Variants in TRPM1 observed in about 807,000 individuals in gnomAD.
TRPM1 encodes transient receptor potential cation channel subfamily M member 1, also known as TRPM1-203 APA Isoform, Intron 10.
TRPM1 carries 113 observed loss-of-function variants against 149.4 expected under a neutral mutation model. The observed-to-expected ratio is 0.76, with a 90% confidence interval of 0.65 to 0.88. The LOEUF is 0.88. Among genes scored for constraint, TRPM1 ranks in the 40% least tolerant of loss-of-function variants. TRPM1 has a pLI of 0.00. For synonymous variants in TRPM1, 741 were observed against 759.5 expected, an observed-to-expected ratio of 0.98 and a Z score of 0.40; for missense variants, 1,976 against 2,038.7, an observed-to-expected ratio of 0.97 and a Z score of 0.59.
chr15:31,111,328 C>T (rs959648250), intron 1 of TRPM1, among the ~76,000 whole-genome samples: 1 of 152,202 alleles, frequency 6.6e-6, no homozygotes, highest in Non-Finnish European at 1.5e-5. Flanking sequence ...CTGAGTGTAA[C>T]GTTCTGCCCT....
chr15:31,092,580 G>C (rs192374727), intron 1 of TRPM1, among the ~76,000 whole-genome samples: 15 of 152,320 alleles, frequency 9.8e-5, no homozygotes, highest in Admixed American at 4.6e-4. Flanking sequence ...CAGGAGGACA[G>C]AAAACGATTT....
intron 9 of TRPM1, among the ~76,000 whole-genome samples, chr15:31,061,775 C>G (rs1054952128): frequency 6.6e-6 from 1 of 151,668 alleles, no homozygotes; most frequent in African/African-American, 2.4e-5. Flanking sequence ...AACTCCACCT[C>G]CCAGGTTCAA....
At chr15:31,031,437 C>A in intron 22 of TRPM1, 3 of 503,348 alleles carry the variant, frequency 6.0e-6, no homozygotes, top group South Asian at 5.9e-5. Context: ...CCCTTAGTAA[C>A]TACAACTGCA....
rs1171736375 is a variant in TRPM1, at chr15:31,040,016, GA to G, written c.2316+101del. The G allele has an allele frequency of 2.3e-5, 24 of 1,030,846 alleles. No individual in the cohort carries two copies. The highest frequency in any genetic ancestry group is 3.4e-5 in the Non-Finnish European group (23 of 668,988). The allele number at this position is 1,030,846 out of a possible 1,614,324, so 63.9% of individuals were successfully genotyped here. A position where few individuals can be genotyped will look rare whatever the true frequency, so the allele number is the denominator to read the frequency against. On this transcript the variant is annotated intron_variant, in intron 18 of 27. Transcript: ENST00000256552. This position sits in a 1 kb window ranked among gnomAD's most constrained non-coding sequence, Gnocchi z 4.2. ...TGGCGTCTCCCTCAGGGGGTTGCTA[GA>G]AGGAATAAATGAAATAAGCCACAGA...
intron 11 of TRPM1, 135 bp from the exon 12 acceptor site, chr15:31,050,717 C>A: frequency 1.1e-6 from 1 of 920,856 alleles, no homozygotes; most frequent in Non-Finnish European, 1.7e-6. Context: ...ATGTGCACAC[C>A]CACACAGTGC....
intron 12 of TRPM1, 129 bp downstream of exon 12, chr15:31,050,280 C>T (rs2140940646): frequency 7.5e-7 from 1 of 1,327,322 alleles, no homozygotes; most frequent in Non-Finnish European, 1.1e-6. Context: ...GCTGACACTA[C>T]CCAGTCAAGC....
Position 31,001,504 on chromosome 15 carries a change from A to C in TRPM1, c.*318T>G. 1 of 357,238 alleles carries C rather than the reference A, an allele frequency of 2.8e-6. No homozygotes were observed. Among genetic ancestry groups the C allele is most frequent in the Non-Finnish European group, 5.1e-6 (1 of 194,278 alleles). The allele number at this position is 357,238 out of a possible 1,614,324, so 22.1% of individuals were successfully genotyped here. ...TCTTAAGTGACCTAATGGTGACTTC[A>C]GTGCTCGAGGGCACTTCCTAGGCTA... On this transcript the variant is annotated 3_prime_UTR_variant, in exon 28 of 28. Coordinates refer to ENST00000256552, the MANE Select transcript of TRPM1 (RefSeq NM_001252024.2).
intron 27 of TRPM1, among the ~76,000 whole-genome samples, chr15:31,019,121 C>T (rs1477017303): frequency 1.3e-5 from 2 of 152,222 alleles, no homozygotes; most frequent in East Asian, 3.8e-4. Context: ...TGAAGAAACC[C>T]CTGTTTCAAG....
chr15:31,057,375 G>C (rs1411540609), intron 11 of TRPM1, among the ~76,000 whole-genome samples: 1 of 152,056 alleles, frequency 6.6e-6, no homozygotes, highest in Non-Finnish European at 1.5e-5. Context: ...ACAGACACTG[G>C]GGCCTTTTGG....
At chr15:31,090,150 TC>T (rs1308196315) in intron 1 of TRPM1, among the ~76,000 whole-genome samples, 1 of 152,176 alleles carries the variant, frequency 6.6e-6, no homozygotes, top group Non-Finnish European at 1.5e-5. Flanking sequence ...AGCTATTTCT[TC>T]CTGGTTCTCA....
At chr15:31,074,228 G>A (rs903162224) in intron 3 of TRPM1, among the ~76,000 whole-genome samples, 1 of 152,068 alleles carries the variant, frequency 6.6e-6, no homozygotes, top group East Asian at 1.9e-4. Context: ...GTTGGGAAAT[G>A]TTCCCTTCTC....
chr15:31,161,060 C>T (rs1363366475), exon 1 of TRPM1: 4 of 1,189,144 alleles, frequency 3.4e-6, no homozygotes, highest in African/African-American at 1.5e-5. Flanking sequence ...CGGAGCCACA[C>T]ACTCGGCGGC....
chr15:31,115,942 A>G (rs2035791845), intron 1 of TRPM1, among the ~76,000 whole-genome samples: 1 of 152,008 alleles, frequency 6.6e-6, no homozygotes, highest in Non-Finnish European at 1.5e-5. Flanking sequence ...CCTTTCAGCT[A>G]TGTCCTCACA....
At chr15:31,107,863 C>CT (rs1274420865) in intron 1 of TRPM1, among the ~76,000 whole-genome samples, 6,763 of 143,642 alleles carry the variant, frequency 0.047, 507 homozygotes, top group African/African-American at 0.16. Context: ...CTTTTCTTTT[C>CT]TTTTTTTTTT....
intron 11 of TRPM1, among the ~76,000 whole-genome samples, chr15:31,057,859 A>C (rs2034125264): frequency 6.6e-6 from 1 of 152,184 alleles, no homozygotes; most frequent in African/African-American, 2.4e-5. Context: ...AAGAGTTCTT[A>C]TGAGAATTGA....
At chr15:31,070,477 T>A in intron 3 of TRPM1, 1 of 693,630 alleles carries the variant, frequency 1.4e-6, no homozygotes, top group African/African-American at 1.7e-5. Flanking sequence ...ATATTTCAAC[T>A]TTTTGATGTC....
intron 2 of TRPM1, among the ~76,000 whole-genome samples, chr15:31,078,418 T>C (rs2034769569): frequency 1.3e-5 from 2 of 152,212 alleles, no homozygotes; most frequent in Admixed American, 6.5e-5. Context: ...TCAGCCTTTC[T>C]GGGAAGATCC....
At chr15:31,149,214 G>A (rs1360701296) in intron 1 of TRPM1, among the ~76,000 whole-genome samples, 2 of 152,230 alleles carry the variant, frequency 1.3e-5, no homozygotes, top group African/African-American at 4.8e-5. Flanking sequence ...TGGCTTTAGG[G>A]TGGGGGCAGG....
intron 6 of TRPM1, 119 bp from the exon 7 acceptor site, chr15:31,066,366 AC>A: frequency 9.0e-7 from 1 of 1,116,950 alleles, no homozygotes; most frequent in Non-Finnish European, 1.3e-6. Context: ...TCACATCTCT[AC>A]CCTGCCTTTT....
Sources: gnomAD v4.1 joint callset for allele counts (sites outside exome capture counted in the v4.1 genomes callset) on GRCh38, gnomAD v4.1.1 for gene constraint, Gnocchi (gnomAD v3.1) non-coding constraint, MANE v1.5 for transcripts, NCBI Gene and HGNC (gene_info 2026-07-23, HGNC 2026-07-21) for gene names.